Variants in VTI1A observed in about 807,000 individuals in gnomAD.
VTI1A encodes the protein vesicle transport through interaction with t-SNAREs 1A.
VTI1A carries 22 observed loss-of-function variants against 34.9 expected under a neutral mutation model. The ratio of observed to expected loss-of-function variants is 0.63; its 90% CI spans 0.45 to 0.90. The LOEUF is 0.90. Among genes scored for constraint, VTI1A ranks in the 40% least tolerant of loss-of-function variants. The pLI, the probability that VTI1A is intolerant of heterozygous loss-of-function variation, is 0.00. For missense variants in VTI1A, 268 were observed against 275.6 expected (o/e 0.97, Z 0.20); for synonymous variants, 87 against 97.3 (o/e 0.89, Z 0.62).
intron 7 of VTI1A, among the ~76,000 whole-genome samples, chr10:112,756,444 C>T (rs1366737207): frequency 6.6e-6 from 1 of 152,148 alleles, no homozygotes; most frequent in Admixed American, 6.5e-5. Flanking sequence ...CATGCCTGCA[C>T]TCTGGGGGAG....
At chr10:112,575,327 G>A (rs1589923871) in intron 5 of VTI1A, among the ~76,000 whole-genome samples, 1 of 152,218 alleles carries the variant, frequency 6.6e-6, no homozygotes, top group Non-Finnish European at 1.5e-5. Context: ...TTTCTGACAT[G>A]CAGATCTAAT....
At chr10:112,709,682 CTTTTTTTTTTTTT>C (rs57081938) in intron 7 of VTI1A, among the ~76,000 whole-genome samples, 3 of 70,256 alleles carry the variant, frequency 4.3e-5, no homozygotes, top group Non-Finnish European at 5.2e-5. Flanking sequence ...CTCTATGTGG[CTTTTTTTTTTTTT>C]TTTTTTTTTT....
chr10:112,554,942 A>T (rs1242704214), intron 5 of VTI1A, among the ~76,000 whole-genome samples: 2 of 152,154 alleles, frequency 1.3e-5, no homozygotes, highest in Non-Finnish European at 2.9e-5. Flanking sequence ...CCCAACGTTC[A>T]TGTGGTCTAT....
chr10:112,667,227 G>A (rs1025591728), intron 5 of VTI1A, among the ~76,000 whole-genome samples: 1 of 152,074 alleles, frequency 6.6e-6, no homozygotes, highest in African/African-American at 2.4e-5. Context: ...GTTGTTATAG[G>A]TATGAGTAAA....
intron 5 of VTI1A, among the ~76,000 whole-genome samples, chr10:112,631,200 A>G (rs1589997296): frequency 6.6e-6 from 1 of 152,070 alleles, no homozygotes; most frequent in African/African-American, 2.4e-5. Context: ...GCTCAAGCTG[A>G]TAAGAGCGTA....
chr10:112,698,806 A>T (rs560281578), intron 7 of VTI1A, among the ~76,000 whole-genome samples: 7 of 152,164 alleles, frequency 4.6e-5, no homozygotes, highest in African/African-American at 1.7e-4. Context: ...CTAGAGTCTG[A>T]CTTTCCAGAG....
At chr10:112,563,337 C>G (rs1851794658) in intron 5 of VTI1A, among the ~76,000 whole-genome samples, 2 of 152,194 alleles carry the variant, frequency 1.3e-5, no homozygotes, top group Admixed American at 6.5e-5. Flanking sequence ...GTACTAAGTT[C>G]AACTTGCAGA....
chr10:112,768,799 A>G (rs913269802), intron 7 of VTI1A, among the ~76,000 whole-genome samples: 1 of 152,118 alleles, frequency 6.6e-6, no homozygotes, highest in African/African-American at 2.4e-5. Context: ...ATTTGGGTAA[A>G]TGTGTTATAA....
chr10:112,578,596 T>C (rs553462706), intron 5 of VTI1A, among the ~76,000 whole-genome samples: 2 of 152,324 alleles, frequency 1.3e-5, no homozygotes, highest in Non-Finnish European at 2.9e-5. Flanking sequence ...TTTAAATCTA[T>C]ATATTTCAAA....
intron 7 of VTI1A, among the ~76,000 whole-genome samples, chr10:112,805,277 G>C (rs1420222678): frequency 6.6e-6 from 1 of 151,778 alleles, no homozygotes; most frequent in Non-Finnish European, 1.5e-5. Flanking sequence ...TTTTTAAATG[G>C]TTGAAAAAAA....
chr10:112,742,808 C>G (rs894977000), intron 7 of VTI1A, among the ~76,000 whole-genome samples: 1 of 152,118 alleles, frequency 6.6e-6, no homozygotes, highest in African/African-American at 2.4e-5. Flanking sequence ...TGTACTACTT[C>G]CTTCCATTTA....
intron 7 of VTI1A, among the ~76,000 whole-genome samples, chr10:112,775,863 G>A (rs553734859): frequency 2.0e-5 from 3 of 152,182 alleles, no homozygotes; most frequent in Non-Finnish European, 4.4e-5. Flanking sequence ...ATACTTTTGC[G>A]ATAGTCAATC....
At chr10:112,759,171 AAAAG>A (rs1851376168) in intron 7 of VTI1A, among the ~76,000 whole-genome samples, 1 of 152,188 alleles carries the variant, frequency 6.6e-6, no homozygotes, top group South Asian at 2.1e-4. Flanking sequence ...GTGAGAGAGA[AAAAG>A]AAGCCCGAGG....
At chr10:112,606,021 C>CT (rs1845063969) in intron 5 of VTI1A, among the ~76,000 whole-genome samples, 1 of 102,490 alleles carries the variant, frequency 9.8e-6, no homozygotes, top group Non-Finnish European at 2.0e-5. Flanking sequence ...TTCTTTTTTT[C>CT]TTTTTTTCTT....
intron 7 of VTI1A, among the ~76,000 whole-genome samples, chr10:112,716,654 CA>C (rs1391299911): frequency 6.6e-6 from 1 of 152,070 alleles, no homozygotes; most frequent in African/African-American, 2.4e-5. Context: ...ATCCAAAATT[CA>C]AAATGCCCCA....
intron 7 of VTI1A, among the ~76,000 whole-genome samples, chr10:112,747,671 A>G (rs1850946218): frequency 6.6e-6 from 1 of 152,184 alleles, no homozygotes; most frequent in South Asian, 2.1e-4. Context: ...TTGGTCCCCG[A>G]AAGGCTTGAT....
intron 7 of VTI1A, among the ~76,000 whole-genome samples, chr10:112,699,942 A>G (rs1473027833): frequency 6.6e-6 from 1 of 151,734 alleles, no homozygotes; most frequent in Non-Finnish European, 1.5e-5. Context: ...AAGATGGTGA[A>G]ATCCTGTCTC....
intron 3 of VTI1A, among the ~76,000 whole-genome samples, chr10:112,477,964 C>T (rs1160787939): frequency 9.2e-5 from 14 of 152,110 alleles, no homozygotes; most frequent in African/African-American, 2.9e-4. Context: ...GAGAAAATTA[C>T]TATCCTCATA....
chr10:112,830,838 TA>T, the VTI1A span, among the ~76,000 whole-genome samples: 8 of 49,606 alleles, frequency 1.6e-4, no homozygotes, highest in East Asian at 6.1e-4. Flanking sequence ...TATATATATA[TA>T]TATATATATA....
Sources: gnomAD v4.1 joint callset for allele counts (sites outside exome capture counted in the v4.1 genomes callset) on GRCh38, gnomAD v4.1.1 for gene constraint, MANE v1.5 for transcripts, NCBI Gene and HGNC (gene_info 2026-07-23, HGNC 2026-07-21) for gene names.